Variants in ARGLU1 observed in about 807,000 individuals in gnomAD.
The protein encoded by ARGLU1 is arginine and glutamate-rich protein 1.
ARGLU1 carries 9 observed loss-of-function variants against 37.6 expected under a neutral mutation model. That is an observed-to-expected ratio of 0.24 (90% CI 0.14 to 0.42). The LOEUF (loss-of-function observed/expected upper bound fraction) is 0.42. Among genes scored for constraint, ARGLU1 ranks in the 10% least tolerant of loss-of-function variants. The probability of loss-of-function intolerance (pLI) is 1.00; values close to 1 mark genes in which losing one functional copy is unlikely to be tolerated. For synonymous variants in ARGLU1, 166 were observed against 138.5 expected (o/e 1.20, Z -1.39); for missense variants, 211 against 359.2 (o/e 0.59, Z 3.34).
rs762450750 is a variant in ARGLU1 at position 106,559,445 on chromosome 13, T to C, written c.560A>G (p.Gln187Arg). The C allele has an allele frequency of 5.0e-6, 8 of 1,614,094 alleles. No individual in the cohort carries two copies. The Admixed American group carries it at 8.3e-5, about 17-fold the overall frequency. Residue 187 changes from glutamine to arginine, a missense_variant, in exon 2 of 4, where the codon CAA becomes CGA. By Grantham distance (43) the Gln-to-Arg change is conservative. Around this residue, in one of 3 missense-constraint regions of ARGLU1, gnomAD observed 80 missense variants for 158.4 expected, o/e 0.51. Transcript: ENST00000400198. ...ACCGAGCGTTACCTCTCTAGCTTTT[T>C]GTGCGGCAAGCTCAGCTTGTCTCTG... ...ERQRQAELAAQKAREEEERAK... is the reference protein window; with the variant it reads ...ERQRQAELAARKAREEEERAK...
rs574298487 is a variant in ARGLU1, at chr13:106,556,331, T to C, written c.657+717A>G. ...GGAATATTTCTAGCATTATCTCTTA[T>C]CCAGAGTACTCTATTTTTCAGAAGA... On this transcript the variant is annotated intron_variant, in intron 3 of 3. Coordinates refer to ENST00000400198, the MANE Select transcript of ARGLU1 (RefSeq NM_018011.4). Among the ~76,000 whole-genome samples the C allele has an allele frequency of 2.5e-3, 381 of 152,352 alleles. 2 individuals carry two copies. Among genetic ancestry groups the C allele is most frequent in the African/African-American group, 8.8e-3 (365 of 41,572 alleles).
chr13:106,549,055 C>T (rs1437638145), intron 3 of ARGLU1, among the ~76,000 whole-genome samples: 1 of 152,178 alleles, frequency 6.6e-6, no homozygotes, highest in East Asian at 1.9e-4. Flanking sequence ...CCGGCCTCTG[C>T]CCTACCGTCT....
Position 106,543,769 on chromosome 13 carries a change from A to C in ARGLU1, c.*227T>G, listed in dbSNP as rs1174027817. 1.4e-5 allele frequency: 6 copies of C among 425,518 alleles called. No individual in the cohort carries two copies. The highest frequency in any genetic ancestry group is 2.0e-5 in the Non-Finnish European group (5 of 244,092). 26.4% of individuals were successfully genotyped at this position (425,518 alleles called of 1,614,324 possible). On this transcript the variant is annotated 3_prime_UTR_variant, in exon 4 of 4. Coordinates refer to ENST00000400198, the MANE Select transcript of ARGLU1 (RefSeq NM_018011.4). ...AATATAGAATCCAAACAGGTGAAAA[A>C]TACGTCACTCCTTAGAATACAACAA...
rs1227579058 is a variant in ARGLU1 at position 106,567,662 on chromosome 13, C to A, written c.258G>T (p.Gly86=). ...GGCTGCTGCGCTTGCTCACCGTGCG[C>A]CCGAAGATGTCGATGCGGTCGGGCG... ...SSPPDRIDIF[G]RTVSKRSSLD... The change falls in exon 1 of 4, where the codon GGG becomes GGT. Residue 86 remains glycine, a synonymous_variant. Transcript: ENST00000400198. This position sits in a 1 kb window ranked among gnomAD's most constrained non-coding sequence, Gnocchi z 4.3. 1 of 1,613,564 alleles carries A rather than the reference C, an allele frequency of 6.2e-7. No homozygotes were observed. The highest frequency in any genetic ancestry group is 8.5e-7 in the Non-Finnish European group (1 of 1,179,680).
At chr13:106,544,456 TTCTG>T (rs1482275778) in intron 3 of ARGLU1, among the ~76,000 whole-genome samples, 1 of 152,178 alleles carries the variant, frequency 6.6e-6, no homozygotes, top group African/African-American at 2.4e-5. Flanking sequence ...CATCTACATT[TTCTG>T]TCTTTCATTT....
chr13:106,562,835 AAAAT>A (rs1246572825), intron 1 of ARGLU1, among the ~76,000 whole-genome samples: 3 of 132,852 alleles, frequency 2.3e-5, no homozygotes, highest in East Asian at 2.0e-4. Flanking sequence ...ACTAAAAATA[AAAAT>A]AAATAAATAA....
intron 1 of ARGLU1, among the ~76,000 whole-genome samples, chr13:106,566,343 T>A (rs970137230): frequency 6.6e-6 from 1 of 152,322 alleles, no homozygotes; most frequent in African/African-American, 2.4e-5. Flanking sequence ...CTGGAAAATC[T>A]ACCTAACACA....
At chr13:106,556,913 A>T (rs966020160) in intron 3 of ARGLU1, 135 bp downstream of exon 3, 3 of 688,846 alleles carry the variant, frequency 4.4e-6, no homozygotes, top group Non-Finnish European at 7.4e-6. Flanking sequence ...CCTTGCCTCA[A>T]AAAGCCTTTA....
At chr13:106,545,040 T>G (rs1880357434) in intron 3 of ARGLU1, among the ~76,000 whole-genome samples, 1 of 152,146 alleles carries the variant, frequency 6.6e-6, no homozygotes, top group Non-Finnish European at 1.5e-5. Context: ...TACACACATC[T>G]TCAATTCTCA....
In ARGLU1 at chr13:106,544,025, G is replaced by A; in HGVS notation, c.793C>T (p.Leu265=). Residue 265 remains leucine, a synonymous_variant, in exon 4 of 4, where the codon CTG becomes TTG. Transcript: ENST00000400198. ...TCCTGGGTTTTTAATGAGAAGGACAGTTTTGGCCTGGACTTCCCCTTGCCC... is the reference window on the plus strand; with the variant it reads ...TCCTGGGTTTTTAATGAGAAGGACAATTTTGGCCTGGACTTCCCCTTGCCC... ...ILGKGKSRPK[L]SFSLKTQD is the part of the protein sequence containing the mutation. 6.3e-7 allele frequency: 1 copy of A among 1,595,804 alleles called. No individual in the cohort carries two copies. The highest frequency in any genetic ancestry group is 8.5e-7 in the Non-Finnish European group (1 of 1,173,936).
chr13:106,549,952 TTTCTG>T (rs1446963955), intron 3 of ARGLU1, among the ~76,000 whole-genome samples: 1 of 152,218 alleles, frequency 6.6e-6, no homozygotes, highest in Admixed American at 6.5e-5. Context: ...TTCTTTATAC[TTTCTG>T]TTCTAAAATT....
In ARGLU1 at chr13:106,557,499, G is replaced by A; in HGVS notation, c.574-368C>T. On this transcript the variant is annotated intron_variant, in intron 2 of 3. Coordinates refer to ENST00000400198, the MANE Select transcript of ARGLU1 (RefSeq NM_018011.4). The surrounding 1 kb of genome is among the most constrained non-coding windows in gnomAD (Gnocchi z 5.0). ...AGTGAATATTTGTCTCACCAATTAT[G>A]TATACCTACGTATTCTTTACCTATA... is the stretch of plus-strand genomic sequence containing the variant. 1 of 1,293,458 alleles carries A rather than the reference G, an allele frequency of 7.7e-7. No homozygotes were observed. The highest frequency in any genetic ancestry group is 1.0e-6 in the Non-Finnish European group (1 of 966,074). 80.1% of individuals were successfully genotyped at this position (1,293,458 alleles called of 1,614,324 possible).
intron 3 of ARGLU1, among the ~76,000 whole-genome samples, chr13:106,556,040 C>A (rs1345755707): frequency 1.3e-5 from 2 of 152,204 alleles, no homozygotes; most frequent in African/African-American, 4.8e-5. Context: ...CCCTCTTCTT[C>A]CTATCTGCAC....
intron 2 of ARGLU1, chr13:106,558,539 G>A: frequency 1.0e-6 from 1 of 985,484 alleles, no homozygotes; most frequent in Non-Finnish European, 1.2e-6. Context: ...TATGGTGACA[G>A]ACACTCAGGG....
intron 1 of ARGLU1, among the ~76,000 whole-genome samples, chr13:106,564,017 A>G (rs1880888187): frequency 6.6e-6 from 1 of 152,244 alleles, no homozygotes; most frequent in Non-Finnish European, 1.5e-5. Flanking sequence ...ATCTCAAAAG[A>G]GCATTTAAGA....
chr13:106,567,450 C>G lies in ARGLU1; in HGVS notation c.347+123G>C. On this transcript the variant is annotated intron_variant, in intron 1 of 3. Coordinates refer to ENST00000400198, the MANE Select transcript of ARGLU1 (RefSeq NM_018011.4). This position sits in a 1 kb window ranked among gnomAD's most constrained non-coding sequence, Gnocchi z 4.3. ...CGCCTCTCCGACCCGTTCCCGCGCCCGGTCCCCAGCCCCGGACCGTCCCCG... is the reference window on the plus strand; with the variant it reads ...CGCCTCTCCGACCCGTTCCCGCGCCGGGTCCCCAGCCCCGGACCGTCCCCG... 3.1e-6 allele frequency: 2 copies of G among 646,714 alleles called. No individual in the cohort carries two copies. The highest frequency in any genetic ancestry group is 2.5e-5 in the South Asian group (1 of 40,790). 40.1% of individuals were successfully genotyped at this position (646,714 alleles called of 1,614,324 possible). A position where few individuals can be genotyped will look rare whatever the true frequency, so the allele number is the denominator to read the frequency against.
intron 3 of ARGLU1, among the ~76,000 whole-genome samples, chr13:106,556,210 G>A (rs1243124005): frequency 1.3e-5 from 2 of 152,218 alleles, no homozygotes; most frequent in African/African-American, 4.8e-5. Context: ...CTTCGGGAAA[G>A]CGGATTATGG....
chr13:106,545,067 A>G (rs914199495), intron 3 of ARGLU1, among the ~76,000 whole-genome samples: 1 of 152,162 alleles, frequency 6.6e-6, no homozygotes, highest in Non-Finnish European at 1.5e-5. Context: ...AACCAAGCAC[A>G]ATTTTAATCC....
intron 3 of ARGLU1, among the ~76,000 whole-genome samples, chr13:106,547,968 G>A (rs555479500): frequency 6.6e-6 from 1 of 152,294 alleles, no homozygotes; most frequent in East Asian, 1.9e-4. Flanking sequence ...AAATACAGAA[G>A]GCAAAAGTGT....
Sources: gnomAD v4.1 joint callset for allele counts (sites outside exome capture counted in the v4.1 genomes callset) on GRCh38, gnomAD v4.1.1 for gene constraint, gnomAD v4.1.1 regional missense constraint, Gnocchi (gnomAD v3.1) non-coding constraint, MANE v1.5 for transcripts, NCBI Gene and HGNC (gene_info 2026-07-23, HGNC 2026-07-21) for gene names.